GRIFIN: variants seen among roughly 807,000 people sequenced by gnomAD.
GRIFIN encodes galectin-related inter-fiber protein.
Under a neutral mutation model 18.2 loss-of-function variants are expected in GRIFIN, and 22 were observed. The ratio of observed to expected loss-of-function variants is 1.21; its 90% CI spans 0.86 to 1.73. The LOEUF is 1.73. GRIFIN is among the 40% of genes most tolerant of loss of function. GRIFIN has a pLI of 0.00. For missense variants in GRIFIN, 200 were observed against 190.1 expected, an observed-to-expected ratio of 1.05 and a Z score of -0.31; for synonymous variants, 101 against 82.8, an observed-to-expected ratio of 1.22 and a Z score of -1.19.
chr7:2,476,332 C>A (rs776306199), intron 1 of GRIFIN, 40 bp downstream of exon 1: 1 of 1,555,680 alleles, frequency 6.4e-7, no homozygotes, highest in East Asian at 2.4e-5. Context: ...GCCCCCAGCC[C>A]TGCACCGTTC....
intron 4 of GRIFIN, 65 bp from the exon 5 acceptor site, chr7:2,474,950 G>A (rs1778928912): frequency 1.5e-6 from 1 of 655,354 alleles, no homozygotes; most frequent in Non-Finnish European, 2.6e-6. Context: ...GGTGGGAGGT[G>A]GACCATGGCC....
intron 4 of GRIFIN, 71 bp downstream of exon 4, chr7:2,475,070 C>T (rs1297789418): frequency 1.2e-5 from 18 of 1,493,308 alleles, no homozygotes; most frequent in Non-Finnish European, 1.4e-5. Flanking sequence ...GGGTGAGAAG[C>T]AAAATCCCTG....
Position 2,475,761 on chromosome 7 carries a change from C to T in GRIFIN, c.160G>A (p.Ala54Thr), listed in dbSNP as rs377106686. ...AFHIKPRFSS[A>T]TVVGNAFQYG... The stretch of plus-strand genomic sequence containing the variant: ...TGGAAGGCATTGCCCACCACAGTGG[C>T]GCTGGAGAACCGGGGCTTGATGTGG... Residue 54 changes from alanine to threonine, a missense_variant, in exon 3 of 5, where the codon GCC becomes ACC. Transcript: ENST00000614228. 1.6e-5 allele frequency: 25 copies of T among 1,569,136 alleles called. No individual in the cohort carries two copies. The highest frequency in any genetic ancestry group is 1.2e-4 in the African/African-American group (9 of 74,310).
In GRIFIN at chr7:2,476,016, G is replaced by A; in HGVS notation, c.13-17C>T. The stretch of plus-strand genomic sequence containing the variant: ...GGCTTTAGACTGAGTGGAAGAGACA[G>A]GGGGACCAGCCTCATGGGGCTGCAG... On this transcript the variant is annotated splice_polypyrimidine_tract_variant and intron_variant, in intron 1 of 4. Coordinates refer to ENST00000614228, the MANE Select transcript of GRIFIN (RefSeq NM_001394787.1). 6.3e-7 allele frequency: 1 copy of A among 1,594,308 alleles called. No homozygotes were observed. The highest frequency in any genetic ancestry group is 8.5e-7 in the Non-Finnish European group (1 of 1,177,700).
At chr7:2,476,232 C>T (rs1050498748) in intron 1 of GRIFIN, 140 bp downstream of exon 1, 11 of 1,113,582 alleles carry the variant, frequency 9.9e-6, no homozygotes, top group African/African-American at 1.6e-5. Context: ...GGGGGACCTT[C>T]ACCCTGACGC....
chr7:2,475,684 C>T lies in GRIFIN; in HGVS notation c.237G>A (p.Pro79=), dbSNP rs373384557. 5.2e-4 allele frequency: 796 copies of T among 1,518,644 alleles called. No individual in the cohort carries two copies. Among genetic ancestry groups the T allele is most frequent in the Non-Finnish European group, 6.5e-4 (740 of 1,133,420 alleles). 94.1% of individuals were successfully genotyped at this position (1,518,644 alleles called of 1,614,324 possible). A position where few individuals can be genotyped will look rare whatever the true frequency, so the allele number is the denominator to read the frequency against. Residue 79 remains proline, a synonymous_variant, in exon 3 of 5, where the codon CCG becomes CCA. Coordinates refer to ENST00000614228, the MANE Select transcript of GRIFIN (RefSeq NM_001394787.1). ...CCCCTGTCACCTCAAAGGGCTCCCC[C>T]GGGGCCAGCGGGAAGATGCTAGACA... ...EQVSSIFPLA[P]GEPFEIEVSW...
At chr7:2,475,856 G>C (rs1778954991) in intron 2 of GRIFIN, 28 bp from the exon 3 acceptor site, 3 of 1,582,078 alleles carry the variant, frequency 1.9e-6, no homozygotes, top group Non-Finnish European at 2.6e-6. Context: ...CGGGTCAAGA[G>C]CTGCAAAGAG....
chr7:2,475,198 A>ACGCG lies in GRIFIN; in HGVS notation c.358_361dup (p.Val121AlafsTer5). Reference sequence around the variant, plus strand: ...CTGGGCCAGGCAGTGGTCACTCAGCACGCGCACCCTGGTGGTGGCGCCCAG... The same window carrying ACGCG: ...CTGGGCCAGGCAGTGGTCACTCAGCACGCGCGCGCACCCTGGTGGTGGCGCCCAG... On this transcript the variant is annotated frameshift_variant, in exon 4 of 5. Transcript: ENST00000614228. LOFTEE classifies it high-confidence loss of function. 6.3e-7 allele frequency: 1 copy of ACGCG among 1,595,118 alleles called. No individual in the cohort carries two copies. The highest frequency in any genetic ancestry group is 8.5e-7 in the Non-Finnish European group (1 of 1,178,232).
In GRIFIN at chr7:2,474,888, G is replaced by C. The variant is rs952311596; in HGVS notation, c.420-3C>G. ...GTGTCACTCAGTAGCCCCGGTCCCT[G>C]CAAACATCCAAGGCACGTCCCTAGC... On this transcript the variant is annotated splice_polypyrimidine_tract_variant and splice_region_variant and intron_variant, in intron 4 of 4. Coordinates refer to ENST00000614228, the MANE Select transcript of GRIFIN (RefSeq NM_001394787.1). 1 of 564,234 alleles carries C rather than the reference G, an allele frequency of 1.8e-6. No individual in the cohort carries two copies. Among genetic ancestry groups the C allele is most frequent in the African/African-American group, 1.9e-5 (1 of 53,472 alleles). The allele number at this position is 564,234 out of a possible 1,614,324, so 35.0% of individuals were successfully genotyped here.
In GRIFIN at chr7:2,475,684, C is replaced by A. The variant is rs373384557; in HGVS notation, c.237G>T (p.Pro79=). 2.0e-6 allele frequency: 3 copies of A among 1,518,764 alleles called. No individual in the cohort carries two copies. The highest frequency in any genetic ancestry group is 2.6e-6 in the Non-Finnish European group (3 of 1,133,414). The allele number at this position is 1,518,764 out of a possible 1,614,324, so 94.1% of individuals were successfully genotyped here. A position where few individuals can be genotyped will look rare whatever the true frequency, so the allele number is the denominator to read the frequency against. The change falls in exon 3 of 5, where the codon CCG becomes CCT. Residue 79 remains proline, a synonymous_variant. Transcript: ENST00000614228. ...CCCCTGTCACCTCAAAGGGCTCCCC[C>A]GGGGCCAGCGGGAAGATGCTAGACA... ...EQVSSIFPLA[P]GEPFEIEVSW... is the part of the protein sequence containing the mutation.
intron 3 of GRIFIN, 60 bp from the exon 4 acceptor site, chr7:2,475,367 G>T: frequency 6.6e-7 from 1 of 1,516,862 alleles, no homozygotes; most frequent in Non-Finnish European, 8.8e-7. Context: ...GTCTGGTCCC[G>T]CTTTTAACGG....
Position 2,476,361 on chromosome 7 carries a change from G to T in GRIFIN, c.12+11C>A, listed in dbSNP as rs1215953954. 2 of 1,575,122 alleles carry T rather than the reference G, an allele frequency of 1.3e-6. No homozygotes were observed. The highest frequency in any genetic ancestry group is 3.5e-5 in the Admixed American group (2 of 57,200). On this transcript the variant is annotated intron_variant, in intron 1 of 4. Transcript: ENST00000614228. ...ACCGTTCTCCTTCTCCAGGTCCAGG[G>T]TCTCACCCACCTGCACTGCCATCTG...
chr7:2,475,920 C>T lies in GRIFIN; in HGVS notation c.92G>A (p.Arg31Lys), dbSNP rs1554286284. 4 of 1,598,230 alleles carry T rather than the reference C, an allele frequency of 2.5e-6. No individual in the cohort carries two copies. The highest frequency in any genetic ancestry group is 3.4e-6 in the Non-Finnish European group (4 of 1,179,564). ...VQGHADSGEDRFETNFLLETG... is the reference protein window; with the variant it reads ...VQGHADSGEDKFETNFLLETG... ...GCGAGGGGAGGGCGGTGCCGCTGAC[C>T]TGTCCTCTCCAGAGTCAGCATGTCC... The change falls in exon 2 of 5, where the codon AGG becomes AAG. Residue 31 changes from arginine (R) to lysine (K), a missense_variant and splice_region_variant. Coordinates refer to ENST00000614228, the MANE Select transcript of GRIFIN (RefSeq NM_001394787.1).
At chr7:2,475,639 T>A (rs766330984) in intron 3 of GRIFIN, 30 bp downstream of exon 3, 15 of 1,450,848 alleles carry the variant, frequency 1.0e-5, no homozygotes, top group Non-Finnish European at 1.3e-5. Context: ...CTTCCCTGCC[T>A]AGCCCAGGCC....
At chr7:2,474,947 G>A in intron 4 of GRIFIN, 62 bp from the exon 5 acceptor site, 1 of 645,912 alleles carries the variant, frequency 1.5e-6, no homozygotes, top group Non-Finnish European at 2.7e-6. Flanking sequence ...CAGGGTGGGA[G>A]GTGGACCATG....
intron 1 of GRIFIN, 33 bp downstream of exon 1, chr7:2,476,324 CCCCAGCCCTGCACCG>C: frequency 6.5e-7 from 1 of 1,547,452 alleles, no homozygotes; most frequent in Non-Finnish European, 8.7e-7. Flanking sequence ...CTCAGGGAGC[CCCCAGCCCTGCACCG>C]TTCTCCTTCT....
In GRIFIN at chr7:2,475,940, A is replaced by G; in HGVS notation, c.72T>C (p.His24=). The change falls in exon 2 of 5, where the codon CAT becomes CAC. Residue 24 remains histidine (H), a synonymous_variant. Transcript: ENST00000614228. The stretch of plus-strand genomic sequence containing the variant: ...CTGACCTGTCCTCTCCAGAGTCAGC[A>G]TGTCCCTGGACCAGCAGCTTCCAGC... ...APGWKLLVQG[H]ADSGEDRFET... 6.3e-7 allele frequency: 1 copy of G among 1,598,300 alleles called. No individual in the cohort carries two copies. The highest frequency in any genetic ancestry group is 8.5e-7 in the Non-Finnish European group (1 of 1,179,664).
rs749691228 is a variant in GRIFIN at position 2,475,801 on chromosome 7, C to T, written c.120G>A (p.Thr40=). 8.3e-6 allele frequency: 13 copies of T among 1,572,612 alleles called. No homozygotes were observed. In the Admixed American group the frequency reaches 1.0e-4, roughly 12 times the overall value. Residue 40 remains threonine, a synonymous_variant, in exon 3 of 5, where the codon ACG becomes ACA. Coordinates refer to ENST00000614228, the MANE Select transcript of GRIFIN (RefSeq NM_001394787.1). ...DRFETNFLLE[T]GDIAFHIKPR... is the part of the protein sequence containing the mutation. The stretch of plus-strand genomic sequence containing the variant: ...GCTTGATGTGGAAGGCAATGTCCCC[C>T]GTCTCCAACAAGAAGTTAGTCTCGA...
intron 3 of GRIFIN, 119 bp from the exon 4 acceptor site, chr7:2,475,426 G>C: frequency 7.4e-7 from 1 of 1,353,496 alleles, no homozygotes; most frequent in African/African-American, 1.5e-5. Context: ...GCAGGCCCCG[G>C]GGGTCCCTTG....
Sources: gnomAD v4.1 joint callset for allele counts on GRCh38, gnomAD v4.1.1 for gene constraint, MANE v1.5 for transcripts, NCBI Gene and HGNC (gene_info 2026-07-23, HGNC 2026-07-21) for gene names.